Variants in GALNT13 observed in about 807,000 individuals in gnomAD.
GALNT13 encodes the protein UDP-GalNAc:polypeptide N-acetylgalactosaminyltransferase 13.
In GALNT13, 28 loss-of-function variants were observed where a neutral mutation model predicts 64.2. That is an observed-to-expected ratio of 0.44 (90% CI 0.32 to 0.60). GALNT13 has a LOEUF of 0.60. GALNT13 is among the 20% of genes least tolerant of loss of function. The pLI is 0.05. For synonymous variants in GALNT13, 214 were observed against 224.6 expected (o/e 0.95, Z 0.42); for missense variants, 577 against 669.8 (o/e 0.86, Z 1.53).
chr2:153,981,415 G>GT (rs1465580420), intron 3 of GALNT13, among the ~76,000 whole-genome samples: 2 of 151,908 alleles, frequency 1.3e-5, no homozygotes, highest in Admixed American at 1.3e-4. Context: ...CCCTTCCTGT[G>GT]TCCAGATGTT....
At chr2:153,257,945 C>G in the GALNT13 span, among the ~76,000 whole-genome samples, 1 of 152,140 alleles carries the variant, frequency 6.6e-6, no homozygotes, top group African/African-American at 2.4e-5. Flanking sequence ...ATACCATTCC[C>G]TGTACAAGGT....
chr2:153,792,972 T>TTC, the GALNT13 span, among the ~76,000 whole-genome samples: 9,456 of 135,622 alleles, frequency 0.07, 237 homozygotes, highest in Middle Eastern at 0.11. Context: ...CTTTCTTTCT[T>TTC]TTTTTTTTTT....
chr2:154,204,380 C>T (rs766651176), intron 4 of GALNT13, among the ~76,000 whole-genome samples: 21 of 152,146 alleles, frequency 1.4e-4, no homozygotes, highest in Non-Finnish European at 2.8e-4. Context: ...CCCTTATATA[C>T]TGTAGGTATG....
chr2:153,491,908 A>G, the GALNT13 span, among the ~76,000 whole-genome samples: 1 of 152,118 alleles, frequency 6.6e-6, no homozygotes, highest in Non-Finnish European at 1.5e-5. Context: ...GTGTGCTACC[A>G]TGCCCGGCCG....
chr2:153,674,151 T>C, the GALNT13 span, among the ~76,000 whole-genome samples: 1 of 152,248 alleles, frequency 6.6e-6, no homozygotes, highest in East Asian at 1.9e-4. Context: ...GATTCAATGC[T>C]ATCCCCAACA....
chr2:153,391,211 A>C, the GALNT13 span, among the ~76,000 whole-genome samples: 1 of 152,070 alleles, frequency 6.6e-6, no homozygotes, highest in African/African-American at 2.4e-5. Flanking sequence ...CACAGGAGTG[A>C]CATGATCTCT....
At chr2:153,650,007 C>T in the GALNT13 span, among the ~76,000 whole-genome samples, 1 of 152,170 alleles carries the variant, frequency 6.6e-6, no homozygotes, top group Admixed American at 6.5e-5. Flanking sequence ...GAGTTCAATT[C>T]CTGAATATCC....
intron 6 of GALNT13, among the ~76,000 whole-genome samples, chr2:154,245,104 AAAATAAATAAAT>A (rs61010587): frequency 2.4e-4 from 33 of 137,832 alleles, no homozygotes; most frequent in Admixed American, 6.0e-4. Context: ...AGGCTCTGTC[AAAATAAATAAAT>A]AAATAAATAA....
intron 4 of GALNT13, among the ~76,000 whole-genome samples, chr2:154,211,621 T>A (rs1573884953): frequency 1.6e-5 from 1 of 60,802 alleles, no homozygotes; most frequent in Non-Finnish European, 2.8e-5. Flanking sequence ...AGAGCGAAAC[T>A]CCATCTCCAA....
the GALNT13 span, among the ~76,000 whole-genome samples, chr2:153,095,959 A>G: frequency 2.0e-5 from 3 of 152,202 alleles, no homozygotes; most frequent in Non-Finnish European, 4.4e-5. Context: ...TGGGTGCAGC[A>G]TACCAACATG....
At chr2:154,327,027 A>G (rs1049005209) in intron 9 of GALNT13, among the ~76,000 whole-genome samples, 1 of 152,036 alleles carries the variant, frequency 6.6e-6, no homozygotes, top group Non-Finnish European at 1.5e-5. Flanking sequence ...CTCATCTTGA[A>G]TTGAAATCCC....
At chr2:153,720,308 T>C in the GALNT13 span, among the ~76,000 whole-genome samples, 1 of 146,384 alleles carries the variant, frequency 6.8e-6, no homozygotes, top group Non-Finnish European at 1.5e-5. Context: ...AAAACCCATC[T>C]GTACATCACC....
the GALNT13 span, among the ~76,000 whole-genome samples, chr2:153,438,317 T>C: frequency 1.3e-5 from 2 of 152,204 alleles, no homozygotes; most frequent in African/African-American, 4.8e-5. Flanking sequence ...GAGTTGCTCT[T>C]CTCGAGGATT....
At chr2:154,079,432 A>T (rs532579694) in intron 3 of GALNT13, among the ~76,000 whole-genome samples, 1 of 151,720 alleles carries the variant, frequency 6.6e-6, no homozygotes, top group South Asian at 2.1e-4. Flanking sequence ...GATAATTGAT[A>T]AAAAATATAT....
Position 154,316,667 on chromosome 2 carries a change from G to T in GALNT13, c.1156+15078G>T, listed in dbSNP as rs907869945. Among the ~76,000 whole-genome samples, 122 of 152,228 alleles carry T rather than the reference G, an allele frequency of 8.0e-4. 1 individual carries two copies. Among genetic ancestry groups the T allele is most frequent in the African/African-American group, 2.7e-3 (114 of 41,548 alleles). ...TTGAGGGCCTTCTTGCTGCATCATA[G>T]CATGGCAGAGGGCAAGGGAATGCTC... On this transcript the variant is annotated intron_variant, in intron 9 of 12. Transcript: ENST00000392825.
chr2:154,185,809 A>G (rs756380658), intron 4 of GALNT13, among the ~76,000 whole-genome samples: 5 of 152,182 alleles, frequency 3.3e-5, no homozygotes, highest in Middle Eastern at 3.4e-3. Flanking sequence ...ATGATTACCT[A>G]CAATGAAGAA....
chr2:153,352,904 T>C, the GALNT13 span, among the ~76,000 whole-genome samples: 1 of 152,114 alleles, frequency 6.6e-6, no homozygotes, highest in East Asian at 1.9e-4. Context: ...CCAACTTTGT[T>C]CTTCTCTTTC....
At chr2:153,309,247 T>C in the GALNT13 span, among the ~76,000 whole-genome samples, 5 of 152,000 alleles carry the variant, frequency 3.3e-5, no homozygotes, top group Admixed American at 3.3e-4. Context: ...AGACTCTGAG[T>C]AGGAAGTTGA....
At chr2:153,863,680 T>A in the GALNT13 span, among the ~76,000 whole-genome samples, 3 of 152,200 alleles carry the variant, frequency 2.0e-5, no homozygotes, top group Admixed American at 6.6e-5. Flanking sequence ...TAATGAATTA[T>A]TCATAAGCTT....
Sources: allele counts gnomAD v4.1 joint callset (sites outside exome capture counted in the v4.1 genomes callset), GRCh38; gene constraint gnomAD v4.1.1; transcripts MANE v1.5; gene names NCBI Gene and HGNC (gene_info 2026-07-23, HGNC 2026-07-21).